The following GRM1 variants were observed in gnomAD, a reference collection of about 807,000 sequenced individuals.
The protein encoded by GRM1 is metabotropic glutamate receptor 1.
Under a neutral mutation model 90.9 loss-of-function variants are expected in GRM1, and 33 were observed. That is an observed-to-expected ratio of 0.36 (90% CI 0.28 to 0.49). GRM1 has a LOEUF of 0.49. GRM1 is among the 20% of genes least tolerant of loss of function. The pLI, the probability that GRM1 is intolerant of heterozygous loss-of-function variation, is 0.99. For synonymous variants in GRM1, 700 were observed against 613.2 expected, an observed-to-expected ratio of 1.14 and a Z score of -2.09; for missense variants, 1,190 against 1,534.3, an observed-to-expected ratio of 0.78 and a Z score of 3.75.
intron 3 of GRM1, among the ~76,000 whole-genome samples, chr6:146,319,437 T>C (rs1399550397): frequency 1.3e-5 from 2 of 152,156 alleles, no homozygotes; most frequent in African/African-American, 2.4e-5. Flanking sequence ...GTTAGGATTG[T>C]CTTGGCTATA....
intron 1 of GRM1, among the ~76,000 whole-genome samples, chr6:146,125,138 A>G (rs1583037233): frequency 1.3e-5 from 2 of 152,246 alleles, no homozygotes; most frequent in East Asian, 3.9e-4. Flanking sequence ...AAATCATGGA[A>G]TCTGGAATTA....
At chr6:146,159,636 CT>C (rs1461668781) in intron 2 of GRM1, 39 bp downstream of exon 2, 12 of 1,532,034 alleles carry the variant, frequency 7.8e-6, no homozygotes, top group East Asian at 2.3e-5. Context: ...CTCTCTCTCT[CT>C]CTCTCACACA....
intron 2 of GRM1, among the ~76,000 whole-genome samples, chr6:146,188,155 T>C (rs1330127484): frequency 6.6e-6 from 1 of 152,202 alleles, no homozygotes; most frequent in Non-Finnish European, 1.5e-5. Context: ...CTGTGGTCAC[T>C]GTACCACTGA....
At chr6:146,126,754 A>G (rs1299976362) in intron 1 of GRM1, among the ~76,000 whole-genome samples, 1 of 152,164 alleles carries the variant, frequency 6.6e-6, no homozygotes, top group Non-Finnish European at 1.5e-5. Flanking sequence ...TATGAAATCT[A>G]CTGTTGAAGA....
intron 2 of GRM1, among the ~76,000 whole-genome samples, chr6:146,207,431 C>T (rs6570742): frequency 0.11 from 16,184 of 151,920 alleles, 1,976 homozygotes; most frequent in African/African-American, 0.29. Context: ...CATTTTTTAA[C>T]GGGGTTGTTT....
At chr6:146,352,202 A>C in intron 3 of GRM1, 48 bp from the exon 4 acceptor site, 6 of 1,598,114 alleles carry the variant, frequency 3.8e-6, no homozygotes, top group Non-Finnish European at 5.1e-6. Context: ...CTGGGAGCCT[A>C]GTCTTTATCA....
At chr6:146,086,088 G>A (rs1776535238) in intron 1 of GRM1, among the ~76,000 whole-genome samples, 2 of 152,246 alleles carry the variant, frequency 1.3e-5, no homozygotes, top group Middle Eastern at 3.4e-3. Flanking sequence ...TAGTGGAATA[G>A]TATGTATTAT....
At chr6:146,170,086 A>G (rs1019797592) in intron 2 of GRM1, among the ~76,000 whole-genome samples, 8 of 152,052 alleles carry the variant, frequency 5.3e-5, no homozygotes, top group African/African-American at 1.9e-4. Context: ...CATGGTGAAT[A>G]TGTCATTCAA....
intron 5 of GRM1, among the ~76,000 whole-genome samples, chr6:146,377,834 T>C (rs1224085355): frequency 1.3e-5 from 2 of 152,108 alleles, no homozygotes; most frequent in African/African-American, 2.4e-5. Context: ...TGGGCCAAGG[T>C]AGAGCTCAAG....
chr6:146,325,831 A>G (rs2114982351), intron 3 of GRM1, among the ~76,000 whole-genome samples: 1 of 152,254 alleles, frequency 6.6e-6, no homozygotes, highest in South Asian at 2.1e-4. Context: ...TTCTTTGCTT[A>G]TGTCTTTTGT....
intron 1 of GRM1, among the ~76,000 whole-genome samples, chr6:146,053,848 T>C (rs576685412): frequency 6.6e-6 from 1 of 152,174 alleles, no homozygotes; most frequent in East Asian, 1.9e-4. Context: ...AGTATATGAA[T>C]GTGCCTCAGT....
chr6:146,162,408 C>T (rs57147347), intron 2 of GRM1, among the ~76,000 whole-genome samples: 3 of 152,152 alleles, frequency 2.0e-5, no homozygotes, highest in Non-Finnish European at 2.9e-5. Flanking sequence ...GTCTGGAACT[C>T]GTCTTGACAC....
At chr6:146,078,594 G>C (rs1418715267) in intron 1 of GRM1, among the ~76,000 whole-genome samples, 1 of 152,108 alleles carries the variant, frequency 6.6e-6, no homozygotes, top group Non-Finnish European at 1.5e-5. Flanking sequence ...AAGAAAGACT[G>C]ATTATCACTA....
At chr6:146,136,481 G>A (rs1033260044) in intron 1 of GRM1, among the ~76,000 whole-genome samples, 7 of 152,166 alleles carry the variant, frequency 4.6e-5, no homozygotes, top group Non-Finnish European at 8.8e-5. Context: ...TTTAACTGGG[G>A]TGAGATCTCT....
At chr6:146,205,755 C>G (rs1392594334) in intron 2 of GRM1, among the ~76,000 whole-genome samples, 2 of 152,166 alleles carry the variant, frequency 1.3e-5, no homozygotes, top group Non-Finnish European at 2.9e-5. Context: ...GGGGCACACA[C>G]TTTTTCTGAA....
At position 146,312,985 on chromosome 6, in the gene GRM1, C is replaced by T. The variant is rs551743048; in HGVS notation, c.1186+8139C>T. Reference sequence around the variant, plus strand: ...GGAATCAGAGAAACATGCACATGTTCTGTCATCCAAAAATTATAAAGATTG... The same window carrying T: ...GGAATCAGAGAAACATGCACATGTTTTGTCATCCAAAAATTATAAAGATTG... On this transcript the variant is annotated intron_variant, in intron 3 of 7. Coordinates refer to ENST00000282753, the MANE Select transcript of GRM1 (RefSeq NM_001278064.2). 2.6e-3 allele frequency among the ~76,000 whole-genome samples: 396 copies of T among 152,282 alleles called. 3 individuals are homozygous for T. Among genetic ancestry groups the T allele is most frequent in the African/African-American group, 8.7e-3 (363 of 41,564 alleles).
chr6:146,264,436 A>C (rs1254798493), intron 2 of GRM1, among the ~76,000 whole-genome samples: 1 of 152,152 alleles, frequency 6.6e-6, no homozygotes, highest in Non-Finnish European at 1.5e-5. Context: ...TAAGAAGATA[A>C]TTTTTAATTA....
At chr6:146,131,186 T>C (rs1238973936) in intron 1 of GRM1, among the ~76,000 whole-genome samples, 1 of 152,182 alleles carries the variant, frequency 6.6e-6, no homozygotes, top group Non-Finnish European at 1.5e-5. Flanking sequence ...ACACATTTCA[T>C]TGATTATGTC....
intron 2 of GRM1, among the ~76,000 whole-genome samples, chr6:146,222,805 G>T (rs1179992126): frequency 6.6e-6 from 1 of 152,150 alleles, no homozygotes; most frequent in African/African-American, 2.4e-5. Flanking sequence ...AAAAACAAAT[G>T]AGTTTCTAAG....
Sources: allele counts gnomAD v4.1 joint callset (sites outside exome capture counted in the v4.1 genomes callset), GRCh38; gene constraint gnomAD v4.1.1; transcripts MANE v1.5; gene names NCBI Gene and HGNC (gene_info 2026-07-23, HGNC 2026-07-21).